Variants in TRAFD1 observed in about 807,000 individuals in gnomAD.
The protein encoded by TRAFD1 is TRAF-type zinc finger domain-containing protein 1.
TRAFD1 carries 38 observed loss-of-function variants against 65.3 expected under a neutral mutation model. The observed-to-expected ratio is 0.58, with a 90% CI of 0.45 to 0.76. The LOEUF (loss-of-function observed/expected upper bound fraction) is 0.76. Among genes scored for constraint, TRAFD1 ranks in the 30% least tolerant of loss-of-function variants. The pLI is 0.00. For synonymous variants in TRAFD1, 223 were observed against 257.2 expected, an observed-to-expected ratio of 0.87 and a Z score of 1.27; for missense variants, 631 against 712.6, an observed-to-expected ratio of 0.89 and a Z score of 1.30.
rs765560758 is a variant in TRAFD1, at chr12:112,149,720, A to G, written c.1159-31A>G. On this transcript the variant is annotated intron_variant, in intron 8 of 11. Coordinates refer to ENST00000412615, the MANE Select transcript of TRAFD1 (RefSeq NM_006700.3). ...CTCTTTTCTGGGAATGACTCAATTC[A>G]GAGGTACTAATTCTGGTTTTTCTTG... 9 of 1,613,192 alleles carry G rather than the reference A, an allele frequency of 5.6e-6. No homozygotes were observed. In the South Asian group the frequency reaches 9.9e-5, roughly 18 times the overall value.
chr12:112,152,274 T>C lies in TRAFD1; in HGVS notation c.1619+134T>C. The C allele has an allele frequency of 7.1e-7, 1 of 1,414,360 alleles. No homozygotes were observed. Among genetic ancestry groups the C allele is most frequent in the Admixed American group, 1.9e-5 (1 of 51,440 alleles). The allele number at this position is 1,414,360 out of a possible 1,614,324, so 87.6% of individuals were successfully genotyped here. A position where few individuals can be genotyped will look rare whatever the true frequency, so the allele number is the denominator to read the frequency against. On this transcript the variant is annotated intron_variant, in intron 10 of 11. Coordinates refer to ENST00000412615, the MANE Select transcript of TRAFD1 (RefSeq NM_006700.3). The surrounding 1 kb of genome is among the most constrained non-coding windows in gnomAD (Gnocchi z 5.0). ...TAAGGGGAGGAGTATGGATTTTCCCTGTATTGTCACCTGACTCCAAAAAAA... is the reference window on the plus strand; with the variant it reads ...TAAGGGGAGGAGTATGGATTTTCCCCGTATTGTCACCTGACTCCAAAAAAA...
At chr12:112,142,891 A>G (rs2030131272) in intron 6 of TRAFD1, among the ~76,000 whole-genome samples, 2 of 151,952 alleles carry the variant, frequency 1.3e-5, no homozygotes, top group Non-Finnish European at 1.5e-5. Context: ...TGAGGAGTAT[A>G]TGGGTATTTG....
intron 1 of TRAFD1, among the ~76,000 whole-genome samples, chr12:112,126,873 C>T (rs1388535970): frequency 1.3e-5 from 2 of 152,112 alleles, no homozygotes; most frequent in African/African-American, 4.8e-5. Context: ...AGGCTGGTCT[C>T]GAACCCCAGA....
In TRAFD1 at chr12:112,152,887, A is replaced by T. The variant is rs1445920000; in HGVS notation, c.*96A>T. On this transcript the variant is annotated 3_prime_UTR_variant, in exon 12 of 12. Transcript: ENST00000412615. The surrounding 1 kb of genome is among the most constrained non-coding windows in gnomAD (Gnocchi z 5.0). ...ACCTCTTTGGCTCTTTGGGTGGGAG[A>T]GTTTTTCCAGATTTTAGATTTTTCT... 47 of 1,419,558 alleles carry T rather than the reference A, an allele frequency of 3.3e-5. No homozygotes were observed. Among genetic ancestry groups the T allele is most frequent in the Non-Finnish European group, 4.3e-5 (44 of 1,034,646 alleles). 87.9% of individuals were successfully genotyped at this position (1,419,558 alleles called of 1,614,324 possible).
At position 112,130,107 on chromosome 12, in the gene TRAFD1, C is replaced by T. The variant is rs1306137643; in HGVS notation, c.-12-404C>T. Among the ~76,000 whole-genome samples the T allele has an allele frequency of 6.6e-6, 1 of 151,760 alleles. No homozygotes were observed. The highest frequency in any genetic ancestry group is 1.5e-5 in the Non-Finnish European group (1 of 67,982). ...CCTCTCGAGTAGCTGGGACTACAGG[C>T]ACACATCACCATGCCTGGGTAATTT... On this transcript the variant is annotated intron_variant, in intron 1 of 11. Coordinates refer to ENST00000412615, the MANE Select transcript of TRAFD1 (RefSeq NM_006700.3). The surrounding 1 kb of genome is among the most constrained non-coding windows in gnomAD (Gnocchi z 4.4).
At chr12:112,147,803 T>G (rs944868655) in intron 7 of TRAFD1, among the ~76,000 whole-genome samples, 11 of 152,022 alleles carry the variant, frequency 7.2e-5, no homozygotes, top group Non-Finnish European at 1.5e-4. Flanking sequence ...CCCAGGTAGC[T>G]GGGATTATAG....
At chr12:112,147,971 G>A in intron 7 of TRAFD1, 103 bp from the exon 8 acceptor site, 2 of 1,139,292 alleles carry the variant, frequency 1.8e-6, no homozygotes, top group Non-Finnish European at 2.5e-6. Context: ...GCCCGGCCAA[G>A]CATTGTTAAA....
Position 112,152,713 on chromosome 12 carries a change from T to TTTGTG in TRAFD1, c.1693-12_1693-8dup. ...TTTTCACTTTTTATGTAAAGCTTCGTTTGTGTTGTGTTGTTCACCAGGCAA... is the reference window on the plus strand; with the variant it reads ...TTTTCACTTTTTATGTAAAGCTTCGTTTGTGTTGTGTTGTGTTGTTCACCAGGCAA... On this transcript the variant is annotated intron_variant, in intron 11 of 11. Transcript: ENST00000412615. This position sits in a 1 kb window ranked among gnomAD's most constrained non-coding sequence, Gnocchi z 5.0. 6.2e-7 allele frequency: 1 copy of TTTGTG among 1,613,912 alleles called. No individual in the cohort carries two copies. Among genetic ancestry groups the TTTGTG allele is most frequent in the East Asian group, 2.2e-5 (1 of 44,880 alleles).
intron 5 of TRAFD1, 113 bp downstream of exon 5, chr12:112,141,337 G>A (rs1236486351): frequency 8.1e-7 from 1 of 1,230,602 alleles, no homozygotes; most frequent in African/African-American, 1.5e-5. Context: ...CTGTAGCTGA[G>A]TAACACTGGG....
Position 112,152,051 on chromosome 12 carries a change from C to T in TRAFD1, c.1530C>T (p.His510=), listed in dbSNP as rs1056149511. ...DSQNGAIAPG[H]VSVIRPPQNL... is the part of the protein sequence containing the mutation. ...AGAATGGGGCCATAGCCCCTGGGCA[C>T]GTTTCAGTGATTCGCCCTCCTCAAA... Residue 510 remains histidine (H), a synonymous_variant, in exon 10 of 12, where the codon CAC becomes CAT. Coordinates refer to ENST00000412615, the MANE Select transcript of TRAFD1 (RefSeq NM_006700.3). This position sits in a 1 kb window ranked among gnomAD's most constrained non-coding sequence, Gnocchi z 5.0. The T allele has an allele frequency of 5.6e-6, 9 of 1,614,102 alleles. No individual in the cohort carries two copies. The highest frequency in any genetic ancestry group is 2.7e-5 in the African/African-American group (2 of 74,946).
At chr12:112,148,400 A>G (rs1228042383) in intron 8 of TRAFD1, 96 bp downstream of exon 8, 1 of 1,074,830 alleles carries the variant, frequency 9.3e-7, no homozygotes, top group East Asian at 2.4e-5. Flanking sequence ...GTTGCATTCC[A>G]TCCTGACAAG....
Position 112,142,217 on chromosome 12 carries a change from G to A in TRAFD1, c.772G>A (p.Ala258Thr), listed in dbSNP as rs762380014. 4.3e-6 allele frequency: 7 copies of A among 1,614,006 alleles called. No individual in the cohort carries two copies. The Admixed American group carries it at 1.2e-4, about 27-fold the overall frequency. Reference protein sequence around the residue: ...LQNEGQASSVAEQDFWRAVCE... With the variant: ...LQNEGQASSVTEQDFWRAVCE... Reference sequence around the variant, plus strand: ...AAATGAAGGCCAAGCCTCCAGTGTGGCAGAGCAGGACTTCTGGAGGGCCGT... The same window carrying A: ...AAATGAAGGCCAAGCCTCCAGTGTGACAGAGCAGGACTTCTGGAGGGCCGT... Residue 258 changes from alanine (A) to threonine (T), a missense_variant, in exon 6 of 12, where the codon GCA (alanine) becomes ACA (threonine). Ala to Thr is a moderately conservative substitution (Grantham distance 58, BLOSUM62 0). Transcript: ENST00000412615.
In TRAFD1 at chr12:112,134,690, A is replaced by G. The variant is rs571331878; in HGVS notation, c.48-48A>G. 3 of 1,591,566 alleles carry G rather than the reference A, an allele frequency of 1.9e-6. No homozygotes were observed. The South Asian group carries it at 3.4e-5, about 18-fold the overall frequency. ...GTGATGCCACTGTGCAAGAAAAGGC[A>G]TAGATTAGTCAGTAATGCTTGCCTT... is the stretch of plus-strand genomic sequence containing the variant. On this transcript the variant is annotated intron_variant, in intron 2 of 11. Transcript: ENST00000412615.
chr12:112,125,730 C>T (rs1370624377), intron 1 of TRAFD1, 112 bp downstream of exon 1: 1 of 152,254 alleles, frequency 6.6e-6, no homozygotes, highest in Non-Finnish European at 1.5e-5. Flanking sequence ...GGCCCGGGGT[C>T]GCGGCTGTGA....
At chr12:112,149,592 C>T in intron 8 of TRAFD1, 159 bp from the exon 9 acceptor site, 1 of 886,682 alleles carries the variant, frequency 1.1e-6, no homozygotes, top group South Asian at 1.8e-5. Flanking sequence ...GGATTGAATG[C>T]AACCATTCCA....
Position 112,134,734 on chromosome 12 carries a change from G to A in TRAFD1, c.48-4G>A, listed in dbSNP as rs576178831. The A allele has an allele frequency of 3.0e-4, 488 of 1,610,690 alleles. 2 individuals are homozygous for A. In the Admixed American group the frequency reaches 4.0e-3, roughly 13 times the overall value. ...TTGCCTTTTTCTTTGGTCTATTTCC[G>A]TAGCAAAAAAGAAATTCCTGTGTTT... On this transcript the variant is annotated splice_region_variant and splice_polypyrimidine_tract_variant and intron_variant, in intron 2 of 11. Coordinates refer to ENST00000412615, the MANE Select transcript of TRAFD1 (RefSeq NM_006700.3).
At chr12:112,133,243 G>A (rs1363308251) in intron 2 of TRAFD1, 2 of 152,186 alleles carry the variant, frequency 1.3e-5, no homozygotes, top group African/African-American at 4.8e-5. Context: ...TTTTTGTACA[G>A]CTTTACAGTG....
rs1027775084 is a variant in TRAFD1, at chr12:112,151,879, G to A, written c.1358G>A (p.Arg453Gln). Residue 453 changes from arginine (R) to glutamine (Q), a missense_variant, in exon 10 of 12, where the codon CGA becomes CAA. Coordinates refer to ENST00000412615, the MANE Select transcript of TRAFD1 (RefSeq NM_006700.3). ...NGPTSCLPPS[R>Q]PINNMTATYN... ...CCCACCTCCTGTCTGCCTCCCAGCC[G>A]ACCCATTAACAATATGACAGCTACC... 3 of 1,613,992 alleles carry A rather than the reference G, an allele frequency of 1.9e-6. No homozygotes were observed. The highest frequency in any genetic ancestry group is 2.7e-5 in the African/African-American group (2 of 74,900).
chr12:112,143,321 C>T (rs186573446), intron 6 of TRAFD1, among the ~76,000 whole-genome samples: 5 of 152,196 alleles, frequency 3.3e-5, no homozygotes, highest in African/African-American at 9.7e-5. Context: ...CCTCGTGATC[C>T]GCCTGCCTCG....
Sources: allele counts gnomAD v4.1 joint callset (sites outside exome capture counted in the v4.1 genomes callset), GRCh38; gene constraint gnomAD v4.1.1; non-coding constraint Gnocchi (gnomAD v3.1); transcripts MANE v1.5; gene names NCBI Gene and HGNC (gene_info 2026-07-23, HGNC 2026-07-21).